The following TPT1 variants were observed in gnomAD, a reference collection of about 807,000 sequenced individuals.
TPT1 encodes translationally-controlled tumor protein.
TPT1 carries 5 observed loss-of-function variants against 22.8 expected under a neutral mutation model. The ratio of observed to expected loss-of-function variants is 0.22; its 90% CI spans 0.11 to 0.46. TPT1 has a LOEUF of 0.46. Among genes scored for constraint, TPT1 ranks in the 20% least tolerant of loss-of-function variants. The pLI is 0.99. For missense variants in TPT1, 130 were observed against 218.7 expected, an observed-to-expected ratio of 0.59 and a Z score of 2.56; for synonymous variants, 89 against 73.6, an observed-to-expected ratio of 1.21 and a Z score of -1.07.
At chr13:45,338,579 T>A (rs1330918310) in intron 5 of TPT1, 81 bp downstream of exon 5, 5 of 1,559,112 alleles carry the variant, frequency 3.2e-6, no homozygotes, top group Non-Finnish European at 2.6e-6. Context: ...AAACTCATTC[T>A]CAGTGTCACA....
chr13:45,340,192 A>T lies in TPT1; in HGVS notation c.103-8T>A. 6.2e-7 allele frequency: 1 copy of T among 1,603,244 alleles called. No individual in the cohort carries two copies. Among genetic ancestry groups the T allele is most frequent in the Non-Finnish European group, 8.5e-7 (1 of 1,174,094 alleles). ...TTCTGTCCTACTGACCATCTGCATT[A>T]AGAAAAAGCAGTATAATTGCAAAAG... On this transcript the variant is annotated splice_region_variant and splice_polypyrimidine_tract_variant and intron_variant, in intron 2 of 5. Coordinates refer to ENST00000530705, the MANE Select transcript of TPT1 (RefSeq NM_003295.4).
intron 4 of TPT1, 196 bp from the exon 5 acceptor site, chr13:45,338,972 A>T: frequency 2.0e-6 from 1 of 492,360 alleles, no homozygotes; most frequent in Non-Finnish European, 3.5e-6. Flanking sequence ...AAATAGAAAA[A>T]TAACGTACAG....
chr13:45,338,495 G>A (rs980676129), intron 5 of TPT1, 165 bp downstream of exon 5: 2 of 1,355,914 alleles, frequency 1.5e-6, no homozygotes, highest in South Asian at 1.6e-5. Flanking sequence ...TATACCCTAA[G>A]AATTTTTTAC....
At chr13:45,340,883 A>G (rs540202893) in intron 1 of TPT1, 98 bp from the exon 2 acceptor site, 40 of 1,462,196 alleles carry the variant, frequency 2.7e-5, no homozygotes, top group East Asian at 1.8e-4. Flanking sequence ...GCCCCTCCGT[A>G]GCACACCAGA....
intron 2 of TPT1, 26 bp from the exon 3 acceptor site, chr13:45,340,210 T>C: frequency 1.3e-6 from 2 of 1,596,598 alleles, no homozygotes. Flanking sequence ...GCAGTATAAT[T>C]GCAAAAGACA....
intron 4 of TPT1, 50 bp from the exon 5 acceptor site, chr13:45,338,826 A>G: frequency 1.4e-6 from 2 of 1,454,102 alleles, no homozygotes; most frequent in South Asian, 2.7e-5. Flanking sequence ...ATACAAATAC[A>G]TGCCATTCAA....
chr13:45,338,466 A>G (rs570264858), intron 5 of TPT1, 194 bp downstream of exon 5: 47 of 1,161,308 alleles, frequency 4.0e-5, no homozygotes, highest in Admixed American at 1.3e-4. Flanking sequence ...TTTTCCACAA[A>G]TAAGATTCTA....
intron 4 of TPT1, 84 bp from the exon 5 acceptor site, chr13:45,338,860 GT>G: frequency 8.5e-7 from 1 of 1,174,856 alleles, no homozygotes; most frequent in Non-Finnish European, 1.2e-6. Flanking sequence ...ACAAGGGAAG[GT>G]TTAGACCACC....
intron 3 of TPT1, 72 bp from the exon 4 acceptor site, chr13:45,339,674 T>A (rs1878950604): frequency 7.1e-7 from 1 of 1,408,128 alleles, no homozygotes; most frequent in Admixed American, 2.1e-5. Context: ...GTAAAAAATA[T>A]CCAAGCTTAA....
At chr13:45,338,397 G>A (rs1878856164) in intron 5 of TPT1, 1 of 538,152 alleles carries the variant, frequency 1.9e-6, no homozygotes, top group Non-Finnish European at 3.0e-6. Context: ...GAAATTACAG[G>A]TGTGAGCCAC....
Position 45,338,653 on chromosome 13 carries a change from T to C in TPT1, c.516+7A>G, listed in dbSNP as rs1448485039. ...TTATTTATTTTAACCCACTTCCTTG[T>C]ACTTACACATTTTTCCATTTCTAAA... On this transcript the variant is annotated splice_region_variant and intron_variant, in intron 5 of 5. Transcript: ENST00000530705. The C allele has an allele frequency of 2.5e-6, 4 of 1,611,826 alleles. No homozygotes were observed. Among genetic ancestry groups the C allele is most frequent in the Non-Finnish European group, 2.5e-6 (3 of 1,179,464 alleles).
At chr13:45,340,421 G>A (rs967238134) in intron 2 of TPT1, 4 of 752,274 alleles carry the variant, frequency 5.3e-6, no homozygotes, top group African/African-American at 5.2e-5. Flanking sequence ...TTGCGGGCAT[G>A]TGATGCCTCC....
In TPT1 at chr13:45,334,427, CT is replaced by C. The variant is rs1205723788; in HGVS notation, c.*2958del. On this transcript the variant is annotated 3_prime_UTR_variant, in exon 6 of 6. Coordinates refer to ENST00000530705, the MANE Select transcript of TPT1 (RefSeq NM_003295.4). ...ATGTCTATTGTTATCTTTCCACTCT[CT>C]ATATAGTTCTCCAGCTTAGACTTCT... is the stretch of plus-strand genomic sequence containing the variant. 1 of 152,230 alleles carries C rather than the reference CT, an allele frequency of 6.6e-6. No homozygotes were observed. The highest frequency in any genetic ancestry group is 2.4e-5 in the African/African-American group (1 of 41,460). 9.4% of individuals were successfully genotyped at this position (152,230 alleles called of 1,614,324 possible).
rs1220044091 is a variant in TPT1 at position 45,340,753 on chromosome 13, G to T, written c.61C>A (p.Arg21=). The change falls in exon 2 of 6, where the codon CGG becomes AGG. Residue 21 remains arginine (R), a synonymous_variant. Coordinates refer to ENST00000530705, the MANE Select transcript of TPT1 (RefSeq NM_003295.4). The part of the protein sequence containing the change: ...DEMFSDIYKI[R]EIADGLCLEV... ...AGGCACAACCCGTCCGCGATCTCCC[G>T]GATCTTGTAGATGTCGGAGAACATC... is the stretch of plus-strand genomic sequence containing the variant. 2.6e-6 allele frequency: 4 copies of T among 1,519,628 alleles called. No individual in the cohort carries two copies. Among genetic ancestry groups the T allele is most frequent in the East Asian group, 2.3e-5 (1 of 43,934 alleles). 94.1% of individuals were successfully genotyped at this position (1,519,628 alleles called of 1,614,324 possible). A position where few individuals can be genotyped will look rare whatever the true frequency, so the allele number is the denominator to read the frequency against.
chr13:45,341,154 C>G lies in TPT1; in HGVS notation c.-85G>C, dbSNP rs1278068961. 3.2e-6 allele frequency: 5 copies of G among 1,573,154 alleles called. No individual in the cohort carries two copies. In the South Asian group the frequency reaches 3.4e-5, roughly 11 times the overall value. ...CGAGCGCGGTGCAGCCGGAGCGGCG[C>G]TCGGGGGGAGGGGGGAGCGGGCGGA... On this transcript the variant is annotated 5_prime_UTR_variant, in exon 1 of 6. Coordinates refer to ENST00000530705, the MANE Select transcript of TPT1 (RefSeq NM_003295.4).
Position 45,340,072 on chromosome 13 carries a change from A to G in TPT1, c.215T>C (p.Ile72Thr), listed in dbSNP as rs1365701796. The G allele has an allele frequency of 6.2e-7, 1 of 1,614,066 alleles. No individual in the cohort carries two copies. Among genetic ancestry groups the G allele is most frequent in the Non-Finnish European group, 8.5e-7 (1 of 1,180,046 alleles). The change falls in exon 3 of 6, where the codon ATT (isoleucine) becomes ACT (threonine). Residue 72 changes from isoleucine (I) to threonine (T), a missense_variant. Transcript: ENST00000530705. ...TTCCTGCAGGTGATGGTTCATGACAATATCGACACCAGTGATTACTGTGCT... is the reference window on the plus strand; with the variant it reads ...TTCCTGCAGGTGATGGTTCATGACAGTATCGACACCAGTGATTACTGTGCT... The part of the protein sequence containing the change: ...TESTVITGVD[I>T]VMNHHLQETS...
In TPT1 at chr13:45,336,212, G is replaced by C. The variant is rs1878679361; in HGVS notation, c.*1174C>G. On this transcript the variant is annotated 3_prime_UTR_variant, in exon 6 of 6. Transcript: ENST00000530705. ...ACTAGTGAGACTGAGGTGGGAAAAT[G>C]GCTTGAGCACAGGATGCAGAGAATG... 1 of 152,210 alleles carries C rather than the reference G, an allele frequency of 6.6e-6. No homozygotes were observed. Among genetic ancestry groups the C allele is most frequent in the Non-Finnish European group, 1.5e-5 (1 of 68,066 alleles). The allele number at this position is 152,210 out of a possible 1,614,324, so 9.4% of individuals were successfully genotyped here. A position where few individuals can be genotyped will look rare whatever the true frequency, so the allele number is the denominator to read the frequency against.
chr13:45,338,582 G>T, intron 5 of TPT1, 78 bp downstream of exon 5: 1 of 1,561,882 alleles, frequency 6.4e-7, no homozygotes. Flanking sequence ...CTCATTCTCA[G>T]TGTCACAAAA....
rs912022064 is a variant in TPT1, at chr13:45,336,936, T to C, written c.*450A>G. ...TCCAGTTAACTACTTCCGTTGTAGGTGATGAAATGGGTAAGGCTCCACACT... is the reference window on the plus strand; with the variant it reads ...TCCAGTTAACTACTTCCGTTGTAGGCGATGAAATGGGTAAGGCTCCACACT... On this transcript the variant is annotated 3_prime_UTR_variant, in exon 6 of 6. Transcript: ENST00000530705. 10 of 160,184 alleles carry C rather than the reference T, an allele frequency of 6.2e-5. No homozygotes were observed. The highest frequency in any genetic ancestry group is 2.7e-5 in the Non-Finnish European group (2 of 73,384). 9.9% of individuals were successfully genotyped at this position (160,184 alleles called of 1,614,324 possible).
Sources: gnomAD v4.1 joint callset for allele counts on GRCh38, gnomAD v4.1.1 for gene constraint, MANE v1.5 for transcripts, NCBI Gene and HGNC (gene_info 2026-07-23, HGNC 2026-07-21) for gene names.